The following CDC37 variants were observed in gnomAD, a reference collection of about 807,000 sequenced individuals.
CDC37 encodes hsp90 co-chaperone Cdc37.
In CDC37, 9 loss-of-function variants were observed where a neutral mutation model predicts 46.9. That is an observed-to-expected ratio of 0.19 (90% CI 0.12 to 0.33). The LOEUF (loss-of-function observed/expected upper bound fraction) is 0.33, where lower values mean the gene tolerates loss of function less well. CDC37 is among the 10% of genes least tolerant of loss of function. The probability of loss-of-function intolerance (pLI) is 1.00; values close to 1 mark genes in which losing one functional copy is unlikely to be tolerated. For synonymous variants in CDC37, 193 were observed against 191.0 expected (o/e 1.01, Z -0.09); for missense variants, 388 against 514.6 (o/e 0.75, Z 2.38).
chr19:10,399,234 C>T (rs1263707309), intron 1 of CDC37, among the ~76,000 whole-genome samples: 4 of 151,898 alleles, frequency 2.6e-5, no homozygotes, highest in South Asian at 2.1e-4. Context: ...TTTGGGAGGC[C>T]GAAGCGGGTG....
Position 10,395,455 on chromosome 19 carries a change from T to C in CDC37, c.467A>G (p.Glu156Gly), listed in dbSNP as rs749532522. The change falls in exon 3 of 8, where the codon GAG becomes GGG. Residue 156 changes from glutamate to glycine, a missense_variant. Around this residue, in one of 2 missense-constraint regions of CDC37, gnomAD observed 374 missense variants for 467.4 expected, o/e 0.80. Coordinates refer to ENST00000222005, the MANE Select transcript of CDC37 (RefSeq NM_007065.4). ...QKHKTFVEKY[E>G]KQIKHFGMLR... Reference sequence around the variant, plus strand: ...CTCACCAAAGTGCTTGATCTGTTTCTCGTATTTTTCCACGAAGGTCTTGTG... The same window carrying C: ...CTCACCAAAGTGCTTGATCTGTTTCCCGTATTTTTCCACGAAGGTCTTGTG... 6.2e-7 allele frequency: 1 copy of C among 1,614,032 alleles called. No individual in the cohort carries two copies. The highest frequency in any genetic ancestry group is 8.5e-7 in the Non-Finnish European group (1 of 1,179,842).
intron 1 of CDC37, among the ~76,000 whole-genome samples, chr19:10,397,536 T>G (rs1017147908): frequency 6.6e-6 from 1 of 151,376 alleles, no homozygotes; most frequent in Admixed American, 6.6e-5. Flanking sequence ...TCAGCCTCCT[T>G]AGTAGCTGGG....
At chr19:10,403,091 A>G (rs913984856) in intron 1 of CDC37, among the ~76,000 whole-genome samples, 1 of 151,798 alleles carries the variant, frequency 6.6e-6, no homozygotes, top group Admixed American at 6.6e-5. Flanking sequence ...ATTAGGGAGA[A>G]CCCCCAAGAC....
At position 10,397,415 on chromosome 19, in the gene CDC37, CTTTT is replaced by C. The variant is rs933052804; in HGVS notation, c.103-1216_103-1213del. Among the ~76,000 whole-genome samples the C allele has an allele frequency of 2.2e-4, 19 of 86,832 alleles. No individual in the cohort carries two copies. In the East Asian group the frequency reaches 4.9e-3, roughly 22 times the overall value. 57.0% of individuals were successfully genotyped at this position (86,832 alleles called of 152,430 possible). A position where few individuals can be genotyped will look rare whatever the true frequency, so the allele number is the denominator to read the frequency against. ...GGTGCACACAAACCACCAAGCCTGGCTTTTTTTTTTTTTTTTTTTTTTTGAGACG... is the reference window on the plus strand; with the variant it reads ...GGTGCACACAAACCACCAAGCCTGGCTTTTTTTTTTTTTTTTTTTGAGACG... On this transcript the variant is annotated intron_variant, in intron 1 of 7. Transcript: ENST00000222005.
chr19:10,396,781 G>A lies in CDC37; in HGVS notation c.103-578C>T, dbSNP rs1336205212. ...AGATGGGGTTTGCCATGTTGCCCAG[G>A]CTGGTCTTGAAGTCCTGGGTTCAAG... is the stretch of plus-strand genomic sequence containing the variant. On this transcript the variant is annotated intron_variant, in intron 1 of 7. Transcript: ENST00000222005. The surrounding 1 kb of genome is among the most constrained non-coding windows in gnomAD (Gnocchi z 5.9). 2.6e-5 allele frequency among the ~76,000 whole-genome samples: 4 copies of A among 152,130 alleles called. No homozygotes were observed. Among genetic ancestry groups the A allele is most frequent in the Non-Finnish European group, 5.9e-5 (4 of 68,014 alleles).
chr19:10,401,659 G>A (rs1023674558), intron 1 of CDC37, among the ~76,000 whole-genome samples: 1 of 152,194 alleles, frequency 6.6e-6, no homozygotes, highest in African/African-American at 2.4e-5. Flanking sequence ...CACTACCCAG[G>A]AGACTCAGGA....
At chr19:10,394,353 T>G (rs2145416691) in intron 5 of CDC37, among the ~76,000 whole-genome samples, 1 of 152,044 alleles carries the variant, frequency 6.6e-6, no homozygotes, top group South Asian at 2.1e-4. Flanking sequence ...CACATCCTAC[T>G]GCTCCCACAT....
intron 1 of CDC37, among the ~76,000 whole-genome samples, chr19:10,402,853 A>G (rs2042527046): frequency 6.6e-6 from 1 of 152,036 alleles, no homozygotes; most frequent in African/African-American, 2.4e-5. Flanking sequence ...TTCCGTTTAG[A>G]AAAGGAGTGG....
intron 1 of CDC37, among the ~76,000 whole-genome samples, chr19:10,402,596 G>A (rs1477472895): frequency 2.6e-5 from 4 of 152,136 alleles, no homozygotes; most frequent in African/African-American, 9.7e-5. Flanking sequence ...CTCTGGCTAG[G>A]CCGGAAGCCA....
intron 1 of CDC37, among the ~76,000 whole-genome samples, chr19:10,397,173 C>A (rs191566848): frequency 6.6e-6 from 1 of 152,104 alleles, no homozygotes; most frequent in Non-Finnish European, 1.5e-5. Flanking sequence ...AATATGGGAA[C>A]GTGTTCGCCA....
At position 10,395,541 on chromosome 19, in the gene CDC37, G is replaced by A; in HGVS notation, c.381C>T (p.Ser127=). ...TCTTCTCGGGCTTGGTATTTACCAT[G>A]CTCTGTGGTAGGGTGAGAGGGGGAG... The part of the protein sequence containing the change: ...DTLSKDGFSK[S]MVNTKPEKTE... The change falls in exon 3 of 8, where the codon AGC becomes AGT. Residue 127 remains serine, a splice_region_variant and synonymous_variant. Transcript: ENST00000222005. 1 of 1,610,304 alleles carries A rather than the reference G, an allele frequency of 6.2e-7. No homozygotes were observed. Among genetic ancestry groups the A allele is most frequent in the Non-Finnish European group, 8.5e-7 (1 of 1,176,422 alleles).
Position 10,395,135 on chromosome 19 carries a change from T to G in CDC37, c.612A>C (p.Ala204=), listed in dbSNP as rs776716837. ...CIDLEVEEKC[A]LMEQVAHQTI... is the part of the protein sequence containing the mutation. ...TCTGGTGGGCCACCTGCTCCATGAG[T>G]GCACATTTCTGCCAGGAAGAACAGG... The change falls in exon 5 of 8, where the codon GCA becomes GCC. Residue 204 remains alanine (A), a synonymous_variant. Coordinates refer to ENST00000222005, the MANE Select transcript of CDC37 (RefSeq NM_007065.4). 3.8e-6 allele frequency: 6 copies of G among 1,597,846 alleles called. No homozygotes were observed. Among genetic ancestry groups the G allele is most frequent in the African/African-American group, 2.7e-5 (2 of 74,632 alleles).
chr19:10,399,614 C>G (rs953624781), intron 1 of CDC37, among the ~76,000 whole-genome samples: 4 of 150,936 alleles, frequency 2.7e-5, no homozygotes, highest in Admixed American at 6.6e-5. Flanking sequence ...CCAGCCTAGG[C>G]AACATAGTGA....
chr19:10,394,527 A>T (rs28382788), intron 5 of CDC37, among the ~76,000 whole-genome samples: 9,418 of 151,570 alleles, frequency 0.062, 359 homozygotes, highest in Non-Finnish European at 0.088. Flanking sequence ...TTATTTAATT[A>T]ATTAATTTAT....
At chr19:10,395,648 G>A (rs1271817778) in intron 2 of CDC37, 105 bp from the exon 3 acceptor site, 1 of 976,552 alleles carries the variant, frequency 1.0e-6, no homozygotes, top group Non-Finnish European at 1.6e-6. Flanking sequence ...CACGGCGGAG[G>A]TGGTGACGAA....
Position 10,396,223 on chromosome 19 carries a change from A to G in CDC37, c.103-20T>C, listed in dbSNP as rs1483568110. On this transcript the variant is annotated intron_variant, in intron 1 of 7. Transcript: ENST00000222005. The surrounding 1 kb of genome is among the most constrained non-coding windows in gnomAD (Gnocchi z 5.9). ...CCGGGCCTGCGGGCAGGGACGGCCT[A>G]TCAACTCTGGGGAGTCGTCTGTCCC... is the stretch of plus-strand genomic sequence containing the variant. 5 of 1,608,948 alleles carry G rather than the reference A, an allele frequency of 3.1e-6. No individual in the cohort carries two copies. Among genetic ancestry groups the G allele is most frequent in the Middle Eastern group, 3.3e-4 (2 of 6,036 alleles).
intron 5 of CDC37, among the ~76,000 whole-genome samples, chr19:10,394,221 G>A (rs943781822): frequency 1.3e-5 from 2 of 152,088 alleles, no homozygotes; most frequent in African/African-American, 2.4e-5. Context: ...CTGAGATCAC[G>A]CCACTGCATT....
chr19:10,393,089 G>A lies in CDC37; in HGVS notation c.978C>T (p.Pro326=), dbSNP rs150078151. 7.1e-5 allele frequency: 115 copies of A among 1,613,884 alleles called. No individual in the cohort carries two copies. The Middle Eastern group carries it at 2.0e-3, about 28-fold the overall frequency. Residue 326 remains proline (P), a synonymous_variant, in exon 7 of 8, where the codon CCC becomes CCT. Coordinates refer to ENST00000222005, the MANE Select transcript of CDC37 (RefSeq NM_007065.4). The surrounding 1 kb of genome is among the most constrained non-coding windows in gnomAD (Gnocchi z 4.9). ...ATGGGGCGCGGGGGTTACTCACGGTGGGGTCCATCTTGCTGATGGCGTCCT... is the reference window on the plus strand; with the variant it reads ...ATGGGGCGCGGGGGTTACTCACGGTAGGGTCCATCTTGCTGATGGCGTCCT... ...MLQDAISKMD[P]TDAKYHMQRC...
In CDC37 at chr19:10,403,522, A is replaced by ACGGCGG. The variant is rs1416215518; in HGVS notation, c.-49_-44dup. The ACGGCGG allele has an allele frequency of 6.7e-7, 1 of 1,492,228 alleles. No individual in the cohort carries two copies. The highest frequency in any genetic ancestry group is 9.3e-7 in the Non-Finnish European group (1 of 1,076,998). 92.4% of individuals were successfully genotyped at this position (1,492,228 alleles called of 1,614,324 possible). On this transcript the variant is annotated 5_prime_UTR_variant, in exon 1 of 8. Transcript: ENST00000222005. Reference sequence around the variant, plus strand: ...GCCCGCTCCGGCTCGGGTGGCGGCGACGGCGGCAGCAGTGGAGACTAGGAG... The same window carrying ACGGCGG: ...GCCCGCTCCGGCTCGGGTGGCGGCGACGGCGGCGGCGGCAGCAGTGGAGACTAGGAG...
Sources: allele counts gnomAD v4.1 joint callset (sites outside exome capture counted in the v4.1 genomes callset), GRCh38; gene constraint gnomAD v4.1.1; regional missense constraint gnomAD v4.1.1; non-coding constraint Gnocchi (gnomAD v3.1); transcripts MANE v1.5; gene names NCBI Gene and HGNC (gene_info 2026-07-23, HGNC 2026-07-21).